STK32C: variants seen among roughly 807,000 people sequenced by gnomAD.
STK32C encodes serine/threonine-protein kinase 32C.
In STK32C, 31 loss-of-function variants were observed where a neutral mutation model predicts 56.5. That is an observed-to-expected ratio of 0.55 (90% CI 0.41 to 0.74). STK32C has a LOEUF of 0.74. Among genes scored for constraint, STK32C ranks in the 30% least tolerant of loss-of-function variants. The probability of loss-of-function intolerance (pLI) is 0.00; values close to 1 mark genes in which losing one functional copy is unlikely to be tolerated. For synonymous variants in STK32C, 309 were observed against 289.4 expected (o/e 1.07, Z -0.69); for missense variants, 544 against 676.9 (o/e 0.80, Z 2.18).
At position 132,208,835 on chromosome 10, in the gene STK32C, G is replaced by A. The variant is rs41306423; in HGVS notation, c.1319+199C>T. 3.2e-3 allele frequency among the ~76,000 whole-genome samples: 487 copies of A among 152,210 alleles called. 1 individual carries two copies. Among genetic ancestry groups the A allele is most frequent in the African/African-American group, 4.6e-3 (189 of 41,532 alleles). ...CCAGAAGATTCCAGCCACGGGCCCC[G>A]CGTGGAGCACAAACATGCCAGAGCC... On this transcript the variant is annotated intron_variant, in intron 11 of 11. Coordinates refer to ENST00000298630, the MANE Select transcript of STK32C (RefSeq NM_173575.4).
upstream of STK32C, chr10:132,307,986 GGGGGCGGGGCA>G (rs2066134753): frequency 1.0e-6 from 1 of 993,176 alleles, no homozygotes; most frequent in East Asian, 1.1e-4. The surrounding 1 kb of genome is among the most constrained non-coding windows in gnomAD (Gnocchi z 4.4). Flanking sequence ...TGCGAGCGCT[GGGGGCGGGGCA>G]GGGGCGGGGC....
intron 1 of STK32C, among the ~76,000 whole-genome samples, chr10:132,261,940 C>T (rs945373070): frequency 2.0e-5 from 3 of 152,096 alleles, no homozygotes; most frequent in Admixed American, 1.3e-4. Flanking sequence ...ACAGGAAAAA[C>T]TATGCTAAAA....
chr10:132,262,608 C>T (rs899330319), intron 1 of STK32C, among the ~76,000 whole-genome samples: 7 of 151,916 alleles, frequency 4.6e-5, no homozygotes, highest in African/African-American at 1.7e-4. Flanking sequence ...ACAAATAAAC[C>T]TATTAAAAAA....
intron 10 of STK32C, among the ~76,000 whole-genome samples, chr10:132,210,170 C>T (rs1326194389): frequency 6.6e-6 from 1 of 152,244 alleles, no homozygotes; most frequent in Non-Finnish European, 1.5e-5. Flanking sequence ...AGACGGACAA[C>T]AGCATGCTTT....
At chr10:132,325,308 T>C (rs537959299) in intron 1 of STK32C, among the ~76,000 whole-genome samples, 1 of 152,184 alleles carries the variant, frequency 6.6e-6, no homozygotes, top group South Asian at 2.1e-4. Flanking sequence ...ATCCCAGCAC[T>C]TTGAGAAGCC....
intron 1 of STK32C, among the ~76,000 whole-genome samples, chr10:132,291,721 A>C (rs1304477874): frequency 1.3e-5 from 2 of 152,128 alleles, no homozygotes; most frequent in Non-Finnish European, 2.9e-5. Context: ...AGGCCTCGAG[A>C]GAGAACCTTC....
intron 1 of STK32C, among the ~76,000 whole-genome samples, chr10:132,265,439 G>A (rs2064485407): frequency 6.6e-6 from 1 of 152,224 alleles, no homozygotes. Context: ...GACCACCAGA[G>A]CTGCAAGGGC....
rs149336021 is a variant in STK32C, at chr10:132,232,599, G to A, written c.319-4471C>T. On this transcript the variant is annotated intron_variant, in intron 2 of 11. Coordinates refer to ENST00000298630, the MANE Select transcript of STK32C (RefSeq NM_173575.4). ...GAAACTGGTCCCTGCTTTCCCAGCCGCTTCCTCCAATCACCAACTTAAGCC... is the reference window on the plus strand; with the variant it reads ...GAAACTGGTCCCTGCTTTCCCAGCCACTTCCTCCAATCACCAACTTAAGCC... Among the ~76,000 whole-genome samples, 624 of 152,278 alleles carry A rather than the reference G, an allele frequency of 4.1e-3. 28 individuals carry two copies. In the East Asian group the frequency reaches 0.097, roughly 24 times the overall value.
chr10:132,242,665 C>G (rs1039846382), intron 2 of STK32C, among the ~76,000 whole-genome samples: 12 of 152,342 alleles, frequency 7.9e-5, no homozygotes, highest in African/African-American at 2.4e-4. Context: ...CCCCCCGCGC[C>G]CCCTTCTCCC....
At chr10:132,317,431 T>G (rs545390198) in intron 1 of STK32C, among the ~76,000 whole-genome samples, 1 of 152,240 alleles carries the variant, frequency 6.6e-6, no homozygotes, top group African/African-American at 2.4e-5. Context: ...AATACACAAT[T>G]AAGAAAACAG....
chr10:132,304,363 G>A (rs529816709), intron 1 of STK32C, among the ~76,000 whole-genome samples: 10 of 152,298 alleles, frequency 6.6e-5, no homozygotes, highest in Admixed American at 5.9e-4. Context: ...ACAGTTCACG[G>A]GTGTGGGGCT....
intron 1 of STK32C, among the ~76,000 whole-genome samples, chr10:132,257,205 G>C (rs1170076170): frequency 6.6e-6 from 1 of 152,156 alleles, no homozygotes; most frequent in Non-Finnish European, 1.5e-5. Flanking sequence ...AGAGGTCAGT[G>C]TGTTCAGAGG....
chr10:132,232,088 G>C (rs1343659086), intron 2 of STK32C, among the ~76,000 whole-genome samples: 1 of 152,254 alleles, frequency 6.6e-6, no homozygotes, highest in Admixed American at 6.5e-5. Context: ...CACGCCTGCA[G>C]GCAGCAGCCT....
intron 1 of STK32C, among the ~76,000 whole-genome samples, chr10:132,325,084 G>A (rs1227195981): frequency 1.3e-5 from 2 of 152,176 alleles, no homozygotes; most frequent in East Asian, 3.8e-4. Context: ...ACAATTGATG[G>A]TAAATTCTGA....
chr10:132,229,867 C>T (rs2063030468), intron 2 of STK32C, among the ~76,000 whole-genome samples: 1 of 152,256 alleles, frequency 6.6e-6, no homozygotes, highest in Admixed American at 6.5e-5. Flanking sequence ...CCGGCTGCAG[C>T]ACTGTGGTGC....
chr10:132,227,831 T>G (rs907829041), intron 3 of STK32C, 146 bp downstream of exon 3: 1 of 1,040,790 alleles, frequency 9.6e-7, no homozygotes, highest in Non-Finnish European at 1.4e-6. Flanking sequence ...GGGGGATAGA[T>G]GAGGAGGGCT....
At chr10:132,222,190 C>A (rs1018687347) in intron 10 of STK32C, among the ~76,000 whole-genome samples, 7 of 149,488 alleles carry the variant, frequency 4.7e-5, no homozygotes, top group African/African-American at 1.7e-4. Flanking sequence ...AAAGCCAGCA[C>A]ACCTGGGCGA....
At chr10:132,236,194 G>A (rs2137821524) in intron 2 of STK32C, among the ~76,000 whole-genome samples, 1 of 152,344 alleles carries the variant, frequency 6.6e-6, no homozygotes, top group Admixed American at 6.5e-5. Flanking sequence ...AAGGACCCCT[G>A]GCCCCTTCCC....
In STK32C at chr10:132,207,713, G is replaced by A; in HGVS notation, c.*297C>T. On this transcript the variant is annotated 3_prime_UTR_variant, in exon 12 of 12. Transcript: ENST00000298630. ...GGGCTGAGCAGGGACAAAGACTCCT[G>A]TCCCATCCATGGCCCCAGCTCCCCG... 3.4e-6 allele frequency: 1 copy of A among 297,416 alleles called. No individual in the cohort carries two copies. The allele number at this position is 297,416 out of a possible 1,614,324, so 18.4% of individuals were successfully genotyped here.
Sources: allele counts gnomAD v4.1 joint callset (sites outside exome capture counted in the v4.1 genomes callset), GRCh38; gene constraint gnomAD v4.1.1; non-coding constraint Gnocchi (gnomAD v3.1); transcripts MANE v1.5; gene names NCBI Gene and HGNC (gene_info 2026-07-23, HGNC 2026-07-21).